Variants in HS3ST4 observed in about 807,000 individuals in gnomAD.
HS3ST4 encodes the protein heparan sulfate glucosamine 3-O-sulfotransferase 4.
HS3ST4 carries 17 observed loss-of-function variants against 29.2 expected under a neutral mutation model. The ratio of observed to expected loss-of-function variants is 0.58; its 90% CI spans 0.40 to 0.87. The LOEUF (loss-of-function observed/expected upper bound fraction) is 0.87. HS3ST4 is among the 40% of genes least tolerant of loss of function. The pLI, the probability that HS3ST4 is intolerant of heterozygous loss-of-function variation, is 0.00. For synonymous variants in HS3ST4, 314 were observed against 285.7 expected (o/e 1.10, Z -1.00); for missense variants, 627 against 634.5 (o/e 0.99, Z 0.13).
chr16:26,104,888 A>G (rs760376028), intron 1 of HS3ST4, among the ~76,000 whole-genome samples: 6 of 151,964 alleles, frequency 3.9e-5, no homozygotes, highest in Non-Finnish European at 8.8e-5. Flanking sequence ...TTTCTCCCAC[A>G]CCTCAAACTC....
chr16:25,854,188 A>T (rs929978576), intron 1 of HS3ST4, among the ~76,000 whole-genome samples: 1 of 151,942 alleles, frequency 6.6e-6, no homozygotes, highest in African/African-American at 2.4e-5. Context: ...AGCTCACTGC[A>T]GTGGCATAAT....
In HS3ST4 at chr16:25,806,958, G is replaced by C. The variant is rs148388823; in HGVS notation, c.734+113807G>C. Among the ~76,000 whole-genome samples the C allele has an allele frequency of 2.6e-3, 392 of 152,064 alleles. 1 individual carries two copies. Among genetic ancestry groups the C allele is most frequent in the African/African-American group, 9.1e-3 (378 of 41,482 alleles). ...ACACAAAACTTTCCATTACCACAGG[G>C]ACCCCTTTTGTTGCCTTTTTTGTTT... On this transcript the variant is annotated intron_variant, in intron 1 of 1. Coordinates refer to ENST00000331351, the MANE Select transcript of HS3ST4 (RefSeq NM_006040.3).
At chr16:26,096,439 C>G (rs558856965) in intron 1 of HS3ST4, among the ~76,000 whole-genome samples, 135 of 152,280 alleles carry the variant, frequency 8.9e-4, no homozygotes, top group Middle Eastern at 6.8e-3. Context: ...GCTGGTTCAA[C>G]ATATGCGAAT....
At chr16:26,022,125 G>A (rs1969418852) in intron 1 of HS3ST4, among the ~76,000 whole-genome samples, 2 of 151,990 alleles carry the variant, frequency 1.3e-5, no homozygotes, top group Admixed American at 6.6e-5. Flanking sequence ...ACCATGCCTG[G>A]CTAGTTTTTT....
At chr16:25,893,899 T>G (rs1430466920) in intron 1 of HS3ST4, among the ~76,000 whole-genome samples, 1 of 152,216 alleles carries the variant, frequency 6.6e-6, no homozygotes, top group Non-Finnish European at 1.5e-5. Context: ...GGGAAGTCCT[T>G]TCTCTACCTT....
intron 1 of HS3ST4, among the ~76,000 whole-genome samples, chr16:25,972,473 C>T (rs1455067968): frequency 3.3e-5 from 5 of 152,178 alleles, no homozygotes; most frequent in Admixed American, 6.5e-5. Flanking sequence ...TGTCAAGATT[C>T]CCTTCCTTGT....
At chr16:26,129,007 C>A (rs1385099280) in intron 1 of HS3ST4, among the ~76,000 whole-genome samples, 1 of 152,216 alleles carries the variant, frequency 6.6e-6, no homozygotes, top group African/African-American at 2.4e-5. Flanking sequence ...CCACACACCT[C>A]TAATTCAGGC....
chr16:25,764,174 T>C (rs1421695703), intron 1 of HS3ST4, among the ~76,000 whole-genome samples: 1 of 152,020 alleles, frequency 6.6e-6, no homozygotes, highest in Non-Finnish European at 1.5e-5. Flanking sequence ...CCTTGGGACA[T>C]ATTGGGACAT....
chr16:25,825,021 T>A (rs1212962184), intron 1 of HS3ST4: 1 of 152,158 alleles, frequency 6.6e-6, no homozygotes, highest in Non-Finnish European at 1.5e-5. Context: ...TGAGCCCTAA[T>A]CCAATGATCG....
chr16:26,114,044 G>C (rs1346673860), intron 1 of HS3ST4, among the ~76,000 whole-genome samples: 1 of 152,222 alleles, frequency 6.6e-6, no homozygotes, highest in Non-Finnish European at 1.5e-5. Context: ...CAGTGGTGGG[G>C]AAGGGAAGGC....
intron 1 of HS3ST4, among the ~76,000 whole-genome samples, chr16:25,828,290 TTCTTTCTTTCCCTCTCTC>T (rs1263356776): frequency 2.9e-5 from 2 of 69,440 alleles, no homozygotes; most frequent in South Asian, 6.4e-4. Context: ...CTTTCTTTCT[TTCTTTCTTTCCCTCTCTC>T]TCTCTCTCTC....
chr16:25,985,847 G>A (rs145853950), intron 1 of HS3ST4, among the ~76,000 whole-genome samples: 1 of 152,092 alleles, frequency 6.6e-6, no homozygotes, highest in East Asian at 1.9e-4. Context: ...CAGCATGCCA[G>A]GCAATTTTTA....
At chr16:25,928,062 AGC>A (rs1968425401) in intron 1 of HS3ST4, among the ~76,000 whole-genome samples, 1 of 142,662 alleles carries the variant, frequency 7.0e-6, no homozygotes, top group Non-Finnish European at 1.5e-5. Flanking sequence ...AAAAAAAGGT[AGC>A]CAGGCATGCC....
intron 1 of HS3ST4, among the ~76,000 whole-genome samples, chr16:26,111,558 A>G (rs1339141728): frequency 6.6e-6 from 1 of 152,224 alleles, no homozygotes. Flanking sequence ...AATTCAGTAT[A>G]GTAGTGGCTA....
chr16:25,732,533 C>T (rs941057905), intron 1 of HS3ST4, among the ~76,000 whole-genome samples: 1 of 152,106 alleles, frequency 6.6e-6, no homozygotes, highest in Non-Finnish European at 1.5e-5. Context: ...AGTGACACCC[C>T]GTCACCTTCA....
intron 1 of HS3ST4, among the ~76,000 whole-genome samples, chr16:25,882,782 G>A (rs1967907331): frequency 6.6e-6 from 1 of 152,170 alleles, no homozygotes; most frequent in Non-Finnish European, 1.5e-5. Flanking sequence ...AGACATGCTG[G>A]TCACTGTCTT....
At position 26,135,915 on chromosome 16, in the gene HS3ST4, T is replaced by C; in HGVS notation, c.1038T>C (p.Tyr346=). Reference sequence around the variant, plus strand: ...TGCATCTGGAAAACTGGCTCCAGTATTTCCCCCTCTCCCAGATCCTCTTTG... The same window carrying C: ...TGCATCTGGAAAACTGGCTCCAGTACTTCCCCCTCTCCCAGATCCTCTTTG... The part of the protein sequence containing the change: ...YALHLENWLQ[Y]FPLSQILFVS... The change falls in exon 2 of 2, where the codon TAT becomes TAC. Residue 346 remains tyrosine, a synonymous_variant. Transcript: ENST00000331351. 1 of 1,613,972 alleles carries C rather than the reference T, an allele frequency of 6.2e-7. No individual in the cohort carries two copies. The highest frequency in any genetic ancestry group is 8.5e-7 in the Non-Finnish European group (1 of 1,179,876).
At chr16:25,792,530 A>G (rs1011273803) in intron 1 of HS3ST4, among the ~76,000 whole-genome samples, 6 of 151,936 alleles carry the variant, frequency 3.9e-5, no homozygotes, top group East Asian at 3.8e-4. Context: ...CAGTTTTGCT[A>G]AATTGTGTTT....
At chr16:26,010,487 A>AG (rs113006577) in intron 1 of HS3ST4, among the ~76,000 whole-genome samples, 7,454 of 151,968 alleles carry the variant, frequency 0.049, 612 homozygotes, top group African/African-American at 0.16. Context: ...GAAAAAAAAA[A>AG]TGAAAATGTA....
Sources: allele counts gnomAD v4.1 joint callset (sites outside exome capture counted in the v4.1 genomes callset), GRCh38; gene constraint gnomAD v4.1.1; transcripts MANE v1.5; gene names NCBI Gene and HGNC (gene_info 2026-07-23, HGNC 2026-07-21).